Variants in GNA11 observed in about 807,000 individuals in gnomAD.
The protein encoded by GNA11 is G protein subunit alpha 11.
GNA11 carries 8 observed loss-of-function variants against 38.2 expected under a neutral mutation model. That is an observed-to-expected ratio of 0.21 (90% CI 0.12 to 0.38). The LOEUF is 0.38. GNA11 is among the 10% of genes least tolerant of loss of function. GNA11 has a pLI of 1.00. For missense variants in GNA11, 268 were observed against 516.3 expected (o/e 0.52, Z 4.66); for synonymous variants, 211 against 221.4 (o/e 0.95, Z 0.42).
At position 3,120,645 on chromosome 19, in the gene GNA11, C is replaced by T. The variant is rs778032981; in HGVS notation, c.890-344C>T. 6.8e-4 allele frequency among the ~76,000 whole-genome samples: 104 copies of T among 152,248 alleles called. No individual in the cohort carries two copies. Among genetic ancestry groups the T allele is most frequent in the Non-Finnish European group, 1.2e-3 (79 of 67,990 alleles). On this transcript the variant is annotated intron_variant, in intron 6 of 6. Transcript: ENST00000078429. The surrounding 1 kb of genome is among the most constrained non-coding windows in gnomAD (Gnocchi z 5.9). ...GGCCTCTCCTCTCACCCTGGGCCTTCGCAGGGCAGCCATGCCAGAGGCCTG... is the reference window on the plus strand; with the variant it reads ...GGCCTCTCCTCTCACCCTGGGCCTTTGCAGGGCAGCCATGCCAGAGGCCTG...
intron 1 of GNA11, among the ~76,000 whole-genome samples, chr19:3,109,897 G>C (rs1200600051): frequency 6.6e-6 from 1 of 152,204 alleles, no homozygotes; most frequent in Non-Finnish European, 1.5e-5. Context: ...CCAGGAAAGT[G>C]TGTCCTTGCA....
At chr19:3,118,886 G>A (rs2145325751) in intron 4 of GNA11, 38 bp from the exon 5 acceptor site, 1 of 1,600,458 alleles carries the variant, frequency 6.2e-7, no homozygotes, top group Non-Finnish European at 8.5e-7. Context: ...GGGCCTTGGG[G>A]CGCCAGGTGG....
chr19:3,120,888 G>C lies in GNA11; in HGVS notation c.890-101G>C. 1.2e-6 allele frequency: 1 copy of C among 819,132 alleles called. No individual in the cohort carries two copies. Among genetic ancestry groups the C allele is most frequent in the Admixed American group, 2.4e-5 (1 of 41,700 alleles). The allele number at this position is 819,132 out of a possible 1,614,324, so 50.7% of individuals were successfully genotyped here. ...GGCTGGGGGTCGAGCTGGGTGGGCC[G>C]TGGGCCTTACTCGCTCATCCCCTGG... is the stretch of plus-strand genomic sequence containing the variant. On this transcript the variant is annotated intron_variant, in intron 6 of 6. Transcript: ENST00000078429. This position sits in a 1 kb window ranked among gnomAD's most constrained non-coding sequence, Gnocchi z 5.9.
chr19:3,115,151 C>G (rs1165671995), intron 4 of GNA11, 79 bp downstream of exon 4: 6 of 1,517,414 alleles, frequency 4.0e-6, no homozygotes, highest in Non-Finnish European at 5.4e-6. Context: ...TGCCTGCGCA[C>G]CCAGTGCTTT....
intron 1 of GNA11, among the ~76,000 whole-genome samples, chr19:3,099,246 T>C (rs1375062296): frequency 6.8e-6 from 1 of 146,048 alleles, no homozygotes; most frequent in Non-Finnish European, 1.5e-5. Flanking sequence ...TGTAGACAGC[T>C]GGGACCCAGC....
intron 1 of GNA11, among the ~76,000 whole-genome samples, chr19:3,101,272 G>C (rs1230333599): frequency 3.9e-5 from 6 of 152,152 alleles, no homozygotes; most frequent in Admixed American, 3.9e-4. Flanking sequence ...GGACTTGTGC[G>C]GCCTGCAGAG....
rs1045363151 is a variant in GNA11, at chr19:3,094,601, G to T, written c.-51G>T. The T allele has an allele frequency of 1.4e-4, 136 of 966,100 alleles. No homozygotes were observed. The highest frequency in any genetic ancestry group is 1.6e-4 in the Non-Finnish European group (131 of 794,380). 59.8% of individuals were successfully genotyped at this position (966,100 alleles called of 1,614,324 possible). On this transcript the variant is annotated 5_prime_UTR_variant, in exon 1 of 7. Transcript: ENST00000078429. The surrounding 1 kb of genome is among the most constrained non-coding windows in gnomAD (Gnocchi z 6.0). ...GCGGCTCCGGCCAGGGCCGGGCCGG[G>T]GGCCGGGGGGCGGCGGCGGGCAGGC... is the stretch of plus-strand genomic sequence containing the variant.
chr19:3,114,073 C>T (rs1002740958), intron 3 of GNA11, among the ~76,000 whole-genome samples: 2 of 152,278 alleles, frequency 1.3e-5, no homozygotes, highest in South Asian at 2.1e-4. Flanking sequence ...AGGCCCCGGC[C>T]CTCCCCCAGC....
chr19:3,120,143 T>G lies in GNA11; in HGVS notation c.889+784T>G, dbSNP rs1599308240. Among the ~76,000 whole-genome samples, 1 of 152,068 alleles carries G rather than the reference T, an allele frequency of 6.6e-6. No individual in the cohort carries two copies. The highest frequency in any genetic ancestry group is 1.9e-4 in the East Asian group (1 of 5,168). On this transcript the variant is annotated intron_variant, in intron 6 of 6. Transcript: ENST00000078429. This position sits in a 1 kb window ranked among gnomAD's most constrained non-coding sequence, Gnocchi z 5.9. The stretch of plus-strand genomic sequence containing the variant: ...CTCCCGTGAGTCTCGGGTGTCATCT[T>G]CGGGAGGGCCCCTCAGGGTGCCCTG...
chr19:3,095,137 T>A (rs565048623), intron 1 of GNA11, among the ~76,000 whole-genome samples: 3 of 152,030 alleles, frequency 2.0e-5, no homozygotes, highest in Admixed American at 2.0e-4. Flanking sequence ...GGCCCCTGAT[T>A]TCTTTGGGGT....
intron 2 of GNA11, among the ~76,000 whole-genome samples, chr19:3,111,241 G>T (rs1913767478): frequency 6.6e-6 from 1 of 151,970 alleles, no homozygotes; most frequent in Admixed American, 6.6e-5. Context: ...CGATATGTTT[G>T]CATAGTCGTG....
intron 1 of GNA11, among the ~76,000 whole-genome samples, chr19:3,109,496 C>A (rs549812821): frequency 1.3e-5 from 2 of 152,194 alleles, no homozygotes; most frequent in African/African-American, 4.8e-5. Context: ...TCGTGGCAGG[C>A]GTGGAGACGT....
At chr19:3,102,390 G>A (rs952006769) in intron 1 of GNA11, among the ~76,000 whole-genome samples, 1 of 152,220 alleles carries the variant, frequency 6.6e-6, no homozygotes, top group African/African-American at 2.4e-5. Context: ...CCCACCTGGG[G>A]TAGTGAGTTT....
At chr19:3,114,856 T>C in intron 3 of GNA11, 88 bp from the exon 4 acceptor site, 2 of 1,349,588 alleles carry the variant, frequency 1.5e-6, no homozygotes, top group South Asian at 1.3e-5. Flanking sequence ...CTGGTGGCTT[T>C]CCGTCCTCCC....
In GNA11 at chr19:3,119,268, C is replaced by T; in HGVS notation, c.798C>T (p.Asn266=). ...TCATCACCTACCCCTGGTTCCAGAA[C>T]TCCTCCGTCATCCTCTTCCTCAACA... ...RTIITYPWFQ[N]SSVILFLNKK... is the part of the protein sequence containing the mutation. The change falls in exon 6 of 7, where the codon AAC becomes AAT. Residue 266 remains asparagine (N), a synonymous_variant. Coordinates refer to ENST00000078429, the MANE Select transcript of GNA11 (RefSeq NM_002067.5). The surrounding 1 kb of genome is among the most constrained non-coding windows in gnomAD (Gnocchi z 4.6). 6.2e-7 allele frequency: 1 copy of T among 1,613,730 alleles called. No homozygotes were observed. Among genetic ancestry groups the T allele is most frequent in the African/African-American group, 1.3e-5 (1 of 75,038 alleles).
chr19:3,097,298 G>C lies in GNA11; in HGVS notation c.136+2511G>C, dbSNP rs1913395586. ...CTCCGCAGGAGGCCCAGCCAAGCTG[G>C]GTCTGCCTCTCCCTAGAATTCTTTC... On this transcript the variant is annotated intron_variant, in intron 1 of 6. Coordinates refer to ENST00000078429, the MANE Select transcript of GNA11 (RefSeq NM_002067.5). Among the ~76,000 whole-genome samples the C allele has an allele frequency of 2.0e-5, 3 of 152,130 alleles. No homozygotes were observed. In the South Asian group the frequency reaches 6.2e-4, roughly 32 times the overall value.
At position 3,120,145 on chromosome 19, in the gene GNA11, G is replaced by A. The variant is rs1914031623; in HGVS notation, c.889+786G>A. On this transcript the variant is annotated intron_variant, in intron 6 of 6. Transcript: ENST00000078429. This position sits in a 1 kb window ranked among gnomAD's most constrained non-coding sequence, Gnocchi z 5.9. ...CCCGTGAGTCTCGGGTGTCATCTTC[G>A]GGAGGGCCCCTCAGGGTGCCCTGCC... is the stretch of plus-strand genomic sequence containing the variant. 6.6e-6 allele frequency among the ~76,000 whole-genome samples: 1 copy of A among 152,096 alleles called. No individual in the cohort carries two copies. The highest frequency in any genetic ancestry group is 2.4e-5 in the African/African-American group (1 of 41,400).
At chr19:3,111,703 C>T (rs371779177) in intron 2 of GNA11, among the ~76,000 whole-genome samples, 211 of 152,352 alleles carry the variant, frequency 1.4e-3, no homozygotes, top group African/African-American at 4.4e-3. Flanking sequence ...ATTGCTGGGT[C>T]CCAGGGTGAC....
intron 1 of GNA11, among the ~76,000 whole-genome samples, chr19:3,095,902 G>T (rs1913351221): frequency 6.6e-6 from 1 of 152,212 alleles, no homozygotes; most frequent in African/African-American, 2.4e-5. Flanking sequence ...CAGGGAGCCA[G>T]TCGGGCCAGC....
Sources: allele counts gnomAD v4.1 joint callset (sites outside exome capture counted in the v4.1 genomes callset), GRCh38; gene constraint gnomAD v4.1.1; non-coding constraint Gnocchi (gnomAD v3.1); transcripts MANE v1.5; gene names NCBI Gene and HGNC (gene_info 2026-07-23, HGNC 2026-07-21).